Variants in ABTB2 observed in about 807,000 individuals in gnomAD.
The protein encoded by ABTB2 is ankyrin repeat and BTB domain containing 2.
A neutral mutation model predicts 104.1 loss-of-function variants in ABTB2; 56 were observed. The ratio of observed to expected loss-of-function variants is 0.54; its 90% CI spans 0.43 to 0.67. The LOEUF (loss-of-function observed/expected upper bound fraction) is 0.67, where lower values mean the gene tolerates loss of function less well. Ranked by LOEUF, ABTB2 falls within the 30% of genes least tolerant of loss-of-function variation. The pLI is 0.00. For missense variants in ABTB2, 1,279 were observed against 1,407.7 expected, an observed-to-expected ratio of 0.91 and a Z score of 1.46; for synonymous variants, 606 against 608.2, an observed-to-expected ratio of 1.00 and a Z score of 0.05.
chr11:34,187,457 C>T (rs1289504095), intron 3 of ABTB2, among the ~76,000 whole-genome samples: 1 of 150,668 alleles, frequency 6.6e-6, no homozygotes, highest in Non-Finnish European at 1.5e-5. Flanking sequence ...GTTTAACAAG[C>T]CTTCTGTGAT....
rs1276492583 is a variant in ABTB2 at position 34,274,146 on chromosome 11, G to A, written c.884-69456C>T. Among the ~76,000 whole-genome samples, 6 of 111,112 alleles carry A rather than the reference G, an allele frequency of 5.4e-5. No homozygotes were observed. The East Asian group carries it at 8.6e-4, about 16-fold the overall frequency. 72.9% of individuals were successfully genotyped at this position (111,112 alleles called of 152,430 possible). A position where few individuals can be genotyped will look rare whatever the true frequency, so the allele number is the denominator to read the frequency against. ...CGCAGTCCGGCCTGGGCGACAGAGCGAGACTCCGTCTCAAAAAAAAAAAAA... is the reference window on the plus strand; with the variant it reads ...CGCAGTCCGGCCTGGGCGACAGAGCAAGACTCCGTCTCAAAAAAAAAAAAA... On this transcript the variant is annotated intron_variant, in intron 1 of 16. Transcript: ENST00000435224.
rs949060683 is a variant in ABTB2, at chr11:34,286,337, G to C, written c.883+70364C>G. On this transcript the variant is annotated intron_variant, in intron 1 of 16. Transcript: ENST00000435224. ...AGACGGAGTCTTGCTCTGTTACCCA[G>C]GCTGGAGTTCAGTGGCACGATCTCG... Among the ~76,000 whole-genome samples the C allele has an allele frequency of 9.9e-5, 15 of 152,044 alleles. 1 individual carries two copies. The highest frequency in any genetic ancestry group is 3.1e-4 in the African/African-American group (13 of 41,412).
chr11:34,338,617 A>C (rs1855222994), intron 1 of ABTB2, among the ~76,000 whole-genome samples: 1 of 151,948 alleles, frequency 6.6e-6, no homozygotes, highest in South Asian at 2.1e-4. Flanking sequence ...GAGGTGGCAG[A>C]ATCACTTGAA....
chr11:34,179,080 C>CAAAAAAA (rs111676312), intron 3 of ABTB2, among the ~76,000 whole-genome samples: 4 of 98,676 alleles, frequency 4.1e-5, no homozygotes, highest in Admixed American at 1.2e-4. Flanking sequence ...AACTCCAACT[C>CAAAAAAA]AAAAAAAAAA....
rs200648894 is a variant in ABTB2, at chr11:34,296,149, A to C, written c.883+60552T>G. ...CTTGTCTCTAAAGAAGTAAATAAAAATAAAGTGAATCCAATCAGCATGGTG... is the reference window on the plus strand; with the variant it reads ...CTTGTCTCTAAAGAAGTAAATAAAACTAAAGTGAATCCAATCAGCATGGTG... On this transcript the variant is annotated intron_variant, in intron 1 of 16. Coordinates refer to ENST00000435224, the MANE Select transcript of ABTB2 (RefSeq NM_145804.3). 2.6e-5 allele frequency among the ~76,000 whole-genome samples: 4 copies of C among 152,204 alleles called. No homozygotes were observed. In the East Asian group the frequency reaches 7.7e-4, roughly 29 times the overall value.
Position 34,204,594 on chromosome 11 carries a change from G to A in ABTB2, c.980C>T (p.Thr327Ile), listed in dbSNP as rs1231875423. 6.2e-7 allele frequency: 1 copy of A among 1,613,652 alleles called. No individual in the cohort carries two copies. Among genetic ancestry groups the A allele is most frequent in the African/African-American group, 1.3e-5 (1 of 74,942 alleles). The change falls in exon 2 of 17, where the codon ACC (threonine) becomes ATC (isoleucine). Residue 327 changes from threonine to isoleucine, a missense_variant. Thr to Ile is a moderately conservative substitution (Grantham distance 89). Coordinates refer to ENST00000435224, the MANE Select transcript of ABTB2 (RefSeq NM_145804.3). ...GGTGGCCAGGAGGGACTGCTCCAGG[G>A]TTCGGAGCTCCAGCTGGGCATAGGC... ...ADAYAQLELR[T>I]LEQSLLATCV...
intron 1 of ABTB2, among the ~76,000 whole-genome samples, chr11:34,328,949 C>T (rs1353472327): frequency 1.3e-5 from 2 of 152,172 alleles, no homozygotes; most frequent in Admixed American, 6.5e-5. Flanking sequence ...AACAGTTGAA[C>T]TAAAACTTCA....
intron 1 of ABTB2, among the ~76,000 whole-genome samples, chr11:34,248,987 G>C (rs934043213): frequency 6.6e-6 from 1 of 152,170 alleles, no homozygotes; most frequent in African/African-American, 2.4e-5. Flanking sequence ...AAAATTAGCC[G>C]GGCGTGGTGG....
chr11:34,302,943 G>C (rs1030493364), intron 1 of ABTB2, among the ~76,000 whole-genome samples: 1 of 152,164 alleles, frequency 6.6e-6, no homozygotes, highest in Non-Finnish European at 1.5e-5. Context: ...GGAGGGCAGC[G>C]TTAAGATAAG....
chr11:34,198,517 C>T lies in ABTB2; in HGVS notation c.1031-979G>A, dbSNP rs148540357. Among the ~76,000 whole-genome samples, 909 of 152,190 alleles carry T rather than the reference C, an allele frequency of 6.0e-3. 4 individuals are homozygous for T. Among genetic ancestry groups the T allele is most frequent in the Non-Finnish European group, 9.1e-3 (621 of 68,000 alleles). On this transcript the variant is annotated intron_variant, in intron 2 of 16. Coordinates refer to ENST00000435224, the MANE Select transcript of ABTB2 (RefSeq NM_145804.3). ...TTTCCTGACCCCATATATTCATTCT[C>T]CTGGCCACAGGGACACCTCAGAGCC... is the stretch of plus-strand genomic sequence containing the variant.
At chr11:34,293,834 C>T (rs969199224) in intron 1 of ABTB2, among the ~76,000 whole-genome samples, 1 of 152,154 alleles carries the variant, frequency 6.6e-6, no homozygotes, top group Non-Finnish European at 1.5e-5. Flanking sequence ...AAGCGATTCT[C>T]CTGCCTCAGC....
intron 1 of ABTB2, among the ~76,000 whole-genome samples, chr11:34,343,778 C>T (rs1281002186): frequency 6.6e-6 from 1 of 152,090 alleles, no homozygotes; most frequent in East Asian, 1.9e-4. Context: ...CTGGCTGACA[C>T]TTTTATTTTT....
Position 34,261,866 on chromosome 11 carries a change from C to G in ABTB2, c.884-57176G>C, listed in dbSNP as rs1401481162. On this transcript the variant is annotated intron_variant, in intron 1 of 16. Transcript: ENST00000435224. Reference sequence around the variant, plus strand: ...AAAACATCACAGTGCTATCTCTGTACCACCCCCCAAATTAAATCAGACTTG... The same window carrying G: ...AAAACATCACAGTGCTATCTCTGTAGCACCCCCCAAATTAAATCAGACTTG... Among the ~76,000 whole-genome samples the G allele has an allele frequency of 2.0e-5, 3 of 152,320 alleles. No individual in the cohort carries two copies. In the East Asian group the frequency reaches 5.8e-4, roughly 29 times the overall value.
rs1362818270 is a variant in ABTB2 at position 34,173,307 on chromosome 11, C to T, written c.1245G>A (p.Arg415=). ...DPPRMTLNNE[R]PFMLLPPLME... ...TGAGGGGCGGCAGCAGCATGAAGGG[C>T]CTGTGGGGCAGCAGAGAGAGGGTCA... is the stretch of plus-strand genomic sequence containing the variant. Residue 415 remains arginine, a splice_region_variant and synonymous_variant, in exon 4 of 17, where the codon CGG becomes CGA. Transcript: ENST00000435224. The T allele has an allele frequency of 1.3e-6, 2 of 1,590,762 alleles. No homozygotes were observed. Among genetic ancestry groups the T allele is most frequent in the South Asian group, 2.3e-5 (2 of 87,848 alleles).
At chr11:34,316,512 T>C (rs1224868425) in intron 1 of ABTB2, among the ~76,000 whole-genome samples, 1 of 152,186 alleles carries the variant, frequency 6.6e-6, no homozygotes, top group Non-Finnish European at 1.5e-5. Flanking sequence ...ACTCTGCTCT[T>C]TTGCTACCCC....
chr11:34,230,079 T>G (rs1853748542), intron 1 of ABTB2, among the ~76,000 whole-genome samples: 2 of 152,202 alleles, frequency 1.3e-5, no homozygotes, highest in African/African-American at 4.8e-5. Flanking sequence ...AAGGGTTCTC[T>G]GTTGAAGCTC....
intron 1 of ABTB2, among the ~76,000 whole-genome samples, chr11:34,234,397 A>T (rs2064987): frequency 0.27 from 41,761 of 152,218 alleles, 6,548 homozygotes; most frequent in Admixed American, 0.37. Context: ...AATATCAGAG[A>T]CACAGTAAAT....
chr11:34,180,629 G>A (rs1853014799), intron 3 of ABTB2, among the ~76,000 whole-genome samples: 1 of 152,210 alleles, frequency 6.6e-6, no homozygotes, highest in African/African-American at 2.4e-5. Flanking sequence ...AGAAGCATGG[G>A]AAATCCCTGA....
intron 3 of ABTB2, among the ~76,000 whole-genome samples, chr11:34,184,048 G>T (rs2133026666): frequency 6.7e-6 from 1 of 149,048 alleles, no homozygotes; most frequent in East Asian, 2.0e-4. Context: ...CACCAGGCCT[G>T]GCTAATTTTT....
Sources: allele counts gnomAD v4.1 joint callset (sites outside exome capture counted in the v4.1 genomes callset), GRCh38; gene constraint gnomAD v4.1.1; transcripts MANE v1.5; gene names NCBI Gene and HGNC (gene_info 2026-07-23, HGNC 2026-07-21).